The following SLC9C1 variants were observed in gnomAD, a reference collection of about 807,000 sequenced individuals.
SLC9C1 encodes sodium/hydrogen exchanger 10.
In SLC9C1, 97 loss-of-function variants were observed where a neutral mutation model predicts 140.9. The observed-to-expected ratio is 0.69, with a 90% CI of 0.58 to 0.82. The LOEUF is 0.82. SLC9C1 is among the 40% of genes least tolerant of loss of function. The pLI is 0.00. For synonymous variants in SLC9C1, 440 were observed against 442.6 expected, an observed-to-expected ratio of 0.99 and a Z score of 0.07; for missense variants, 1,340 against 1,389.3, an observed-to-expected ratio of 0.96 and a Z score of 0.56.
chr3:112,254,962 C>T (rs2079564196), intron 10 of SLC9C1, among the ~76,000 whole-genome samples: 1 of 151,824 alleles, frequency 6.6e-6, no homozygotes, highest in East Asian at 1.9e-4. Flanking sequence ...AGACTTAAAA[C>T]AACAAAGTTT....
intron 10 of SLC9C1, among the ~76,000 whole-genome samples, chr3:112,250,514 T>A (rs2079424445): frequency 6.7e-6 from 1 of 149,436 alleles, no homozygotes; most frequent in Non-Finnish European, 1.5e-5. Flanking sequence ...GTTGAACTAG[T>A]TTACAGTCCC....
At chr3:112,177,495 CA>C (rs2107944585) in intron 23 of SLC9C1, among the ~76,000 whole-genome samples, 1 of 150,976 alleles carries the variant, frequency 6.6e-6, no homozygotes, top group Admixed American at 6.6e-5. Flanking sequence ...TTAGCTTCCA[CA>C]ACTTCTGATG....
At position 112,151,945 on chromosome 3, in the gene SLC9C1, C is replaced by T. The variant is rs756267726; in HGVS notation, c.3436G>A (p.Ala1146Thr). Residue 1146 changes from alanine (A) to threonine (T), a missense_variant, in exon 28 of 29, where the codon GCC (alanine) becomes ACC (threonine). Physicochemically the swap from Ala to Thr is moderately conservative, Grantham distance 58. Coordinates refer to ENST00000305815, the MANE Select transcript of SLC9C1 (RefSeq NM_183061.3). ...NVKEDGAHSA[A>T]TARSPQPCSL... The stretch of plus-strand genomic sequence containing the variant: ...CAAGGCTGGGGACTCCTGGCAGTGG[C>T]GGCACTGTGTGCTCCATCCTGGGAT... 45 of 1,599,850 alleles carry T rather than the reference C, an allele frequency of 2.8e-5. No homozygotes were observed. Among genetic ancestry groups the T allele is most frequent in the Middle Eastern group, 1.7e-4 (1 of 5,868 alleles).
chr3:112,263,138 A>G, intron 9 of SLC9C1, 40 bp from the exon 10 acceptor site: 1 of 1,504,880 alleles, frequency 6.6e-7, no homozygotes, highest in African/African-American at 1.4e-5. Context: ...ATTCTTTCAT[A>G]TGAGTTTCTT....
chr3:112,280,744 A>T lies in SLC9C1; in HGVS notation c.128T>A (p.Val43Asp), dbSNP rs755780868. 4.3e-6 allele frequency: 7 copies of T among 1,612,516 alleles called. No individual in the cohort carries two copies. Among genetic ancestry groups the T allele is most frequent in the Non-Finnish European group, 5.9e-6 (7 of 1,179,584 alleles). The change falls in exon 3 of 29, where the codon GTC becomes GAC. Residue 43 changes from valine (V) to aspartate (D), a missense_variant. By Grantham distance (152) the Val-to-Asp change is radical. Transcript: ENST00000305815. ...NRHLEDFPIP[V>D]PVILFLLGCS... is the part of the protein sequence containing the mutation. ...TCCAAGTAAAAATAATATCACAGGG[A>T]CAGGAATTGGAAAGTCTTCCAAGTG...
chr3:112,158,472 A>G (rs1371314361), intron 26 of SLC9C1, among the ~76,000 whole-genome samples: 2 of 151,970 alleles, frequency 1.3e-5, no homozygotes. Flanking sequence ...ATATTGGCCT[A>G]TAGTTTTCTA....
Position 112,264,192 on chromosome 3 carries a change from G to C in SLC9C1, c.1022+8C>G. 1.8e-6 allele frequency: 2 copies of C among 1,105,048 alleles called. No individual in the cohort carries two copies. Among genetic ancestry groups the C allele is most frequent in the Non-Finnish European group, 2.4e-6 (2 of 842,494 alleles). The allele number at this position is 1,105,048 out of a possible 1,614,324, so 68.5% of individuals were successfully genotyped here. ...CTATAAATAGAAAAATTTTAATGAT[G>C]TTCTTACCTTAAAACAATCAATGTT... On this transcript the variant is annotated splice_region_variant and intron_variant, in intron 9 of 28. Coordinates refer to ENST00000305815, the MANE Select transcript of SLC9C1 (RefSeq NM_183061.3).
chr3:112,240,908 G>A (rs1323927384), intron 11 of SLC9C1, among the ~76,000 whole-genome samples: 1 of 151,910 alleles, frequency 6.6e-6, no homozygotes, highest in Non-Finnish European at 1.5e-5. Flanking sequence ...ACTTATTTGT[G>A]GGATCTAAAA....
intron 12 of SLC9C1, among the ~76,000 whole-genome samples, chr3:112,238,876 T>C (rs2079064954): frequency 6.6e-6 from 1 of 151,972 alleles, no homozygotes; most frequent in South Asian, 2.1e-4. Flanking sequence ...TACTGGGGGG[T>C]GCCTCCCGGT....
chr3:112,218,795 T>C (rs930526011), intron 14 of SLC9C1, among the ~76,000 whole-genome samples: 5 of 152,190 alleles, frequency 3.3e-5, no homozygotes, highest in African/African-American at 1.2e-4. Context: ...TATTGTGATA[T>C]CTATGTGTGA....
At chr3:112,155,459 T>C (rs2107866270) in intron 26 of SLC9C1, among the ~76,000 whole-genome samples, 1 of 152,148 alleles carries the variant, frequency 6.6e-6, no homozygotes, top group African/African-American at 2.4e-5. Flanking sequence ...AAATATGACG[T>C]GGTAAAAACA....
chr3:112,225,795 T>C (rs563440649), intron 13 of SLC9C1, among the ~76,000 whole-genome samples: 4 of 152,190 alleles, frequency 2.6e-5, no homozygotes, highest in African/African-American at 9.6e-5. Context: ...TTATAACTGA[T>C]AAAATAGACT....
intron 11 of SLC9C1, among the ~76,000 whole-genome samples, chr3:112,242,920 T>G (rs2079176745): frequency 2.0e-5 from 3 of 152,140 alleles, no homozygotes; most frequent in Non-Finnish European, 4.4e-5. Flanking sequence ...GAAAAAATGC[T>G]CATCATCACT....
chr3:112,277,182 T>C (rs2080238251), intron 5 of SLC9C1, among the ~76,000 whole-genome samples: 4 of 152,148 alleles, frequency 2.6e-5, no homozygotes, highest in African/African-American at 9.7e-5. Context: ...CTTTTAAATA[T>C]AGATAGATTT....
chr3:112,194,783 C>T (rs973008863), intron 20 of SLC9C1, among the ~76,000 whole-genome samples: 5 of 152,014 alleles, frequency 3.3e-5, no homozygotes. Flanking sequence ...TCCACACCCT[C>T]ACCGAAACAA....
intron 1 of SLC9C1, among the ~76,000 whole-genome samples, chr3:112,287,962 G>A (rs573544927): frequency 2.9e-5 from 4 of 138,726 alleles, no homozygotes; most frequent in African/African-American, 1.0e-4. Context: ...AAAATGGCGT[G>A]AACCGGGGAG....
chr3:112,189,262 T>C (rs1447501018), intron 20 of SLC9C1, among the ~76,000 whole-genome samples: 1 of 152,242 alleles, frequency 6.6e-6, no homozygotes, highest in Non-Finnish European at 1.5e-5. Context: ...TTTTGGCTTT[T>C]GTTGCCATTG....
chr3:112,284,322 C>T (rs2080442535), intron 2 of SLC9C1, among the ~76,000 whole-genome samples: 1 of 152,084 alleles, frequency 6.6e-6, no homozygotes, highest in Non-Finnish European at 1.5e-5. Flanking sequence ...AAAACAAATC[C>T]CAATCAGTTT....
intron 26 of SLC9C1, among the ~76,000 whole-genome samples, chr3:112,160,412 C>T (rs2075260649): frequency 7.5e-6 from 1 of 134,166 alleles, no homozygotes; most frequent in Non-Finnish European, 1.6e-5. Flanking sequence ...CAATGCTATC[C>T]CTTCCCCCTC....
Sources: gnomAD v4.1 joint callset for allele counts (sites outside exome capture counted in the v4.1 genomes callset) on GRCh38, gnomAD v4.1.1 for gene constraint, MANE v1.5 for transcripts, NCBI Gene and HGNC (gene_info 2026-07-23, HGNC 2026-07-21) for gene names.